The following ATP2B1 variants were observed in gnomAD, a reference collection of about 807,000 sequenced individuals.
ATP2B1 encodes the protein ATPase plasma membrane Ca2+ transporting 1.
A neutral mutation model predicts 124.2 loss-of-function variants in ATP2B1; 14 were observed. The ratio of observed to expected loss-of-function variants is 0.11; its 90% CI spans 0.07 to 0.18. The LOEUF is 0.18. Among genes scored for constraint, ATP2B1 ranks in the 10% least tolerant of loss-of-function variants. The pLI is 1.00. For synonymous variants in ATP2B1, 449 were observed against 492.4 expected, an observed-to-expected ratio of 0.91 and a Z score of 1.17; for missense variants, 763 against 1,466.1, an observed-to-expected ratio of 0.52 and a Z score of 7.83.
chr12:89,664,352 T>C (rs1259952795), intron 1 of ATP2B1, among the ~76,000 whole-genome samples: 2 of 152,200 alleles, frequency 1.3e-5, no homozygotes, highest in African/African-American at 2.4e-5. Context: ...GCAGAGTATA[T>C]GATAAAATTT....
intron 9 of ATP2B1, among the ~76,000 whole-genome samples, chr12:89,622,447 A>C (rs546648294): frequency 6.6e-6 from 1 of 152,170 alleles, no homozygotes; most frequent in Admixed American, 6.5e-5. Context: ...CAACAGAAAA[A>C]ATCATTTCTA....
At chr12:89,651,137 T>A (rs1565872579) in intron 2 of ATP2B1, among the ~76,000 whole-genome samples, 1 of 152,264 alleles carries the variant, frequency 6.6e-6, no homozygotes, top group Non-Finnish European at 1.5e-5. Flanking sequence ...AAGTTTTTAA[T>A]ATGAAAATTA....
intron 1 of ATP2B1, among the ~76,000 whole-genome samples, chr12:89,677,969 T>TACACACAC (rs1207955529): frequency 1.8e-4 from 11 of 59,534 alleles, no homozygotes; most frequent in Admixed American, 3.8e-4. Context: ...TATATATATA[T>TACACACAC]ATACACACAC....
intron 12 of ATP2B1, chr12:89,611,941 G>T (rs986375993): frequency 6.6e-6 from 1 of 152,070 alleles, no homozygotes; most frequent in East Asian, 1.9e-4. Context: ...GTGTCTAAAA[G>T]TGAAACCATG....
At chr12:89,691,880 C>G (rs906734560) in intron 1 of ATP2B1, among the ~76,000 whole-genome samples, 3 of 152,012 alleles carry the variant, frequency 2.0e-5, no homozygotes, top group African/African-American at 7.2e-5. Flanking sequence ...AACACTGAAA[C>G]CAAAAGCTAG....
chr12:89,626,387 A>G, intron 8 of ATP2B1, 67 bp downstream of exon 8: 1 of 1,495,306 alleles, frequency 6.7e-7, no homozygotes, highest in Non-Finnish European at 8.9e-7. Flanking sequence ...AAGTGTGTCA[A>G]AAGACAATTT....
chr12:89,653,513 G>T (rs566530174), intron 2 of ATP2B1, among the ~76,000 whole-genome samples: 26 of 151,350 alleles, frequency 1.7e-4, no homozygotes, highest in Non-Finnish European at 3.0e-4. Context: ...TAGCCAGGAT[G>T]GTCTCGATCT....
In ATP2B1 at chr12:89,687,038, TA is replaced by T. The variant is rs1269406895; in HGVS notation, c.-222+21557del. On this transcript the variant is annotated intron_variant, in intron 1 of 20. Coordinates refer to ENST00000428670, the MANE Select transcript of ATP2B1 (RefSeq NM_001366521.1). ...AAAAAAAAGGATGTGTCTGAGCATT[TA>T]CAGACATGTTTTTCTTGTCGTTATT... is the stretch of plus-strand genomic sequence containing the variant. Among the ~76,000 whole-genome samples, 3 of 152,214 alleles carry T rather than the reference TA, an allele frequency of 2.0e-5. No homozygotes were observed. In the East Asian group the frequency reaches 5.8e-4, roughly 29 times the overall value.
At chr12:89,661,850 A>G (rs1442609035) in intron 1 of ATP2B1, among the ~76,000 whole-genome samples, 1 of 152,128 alleles carries the variant, frequency 6.6e-6, no homozygotes, top group Non-Finnish European at 1.5e-5. Flanking sequence ...GCTGTTTCTC[A>G]CTGTGGTTGC....
intron 13 of ATP2B1, 120 bp from the exon 14 acceptor site, chr12:89,610,628 T>A (rs950155475): frequency 2.5e-6 from 2 of 803,384 alleles, no homozygotes; most frequent in Admixed American, 4.5e-5. Context: ...CAGAAACTCC[T>A]GGGAACTTGT....
At chr12:89,650,538 A>T (rs1427049355) in intron 2 of ATP2B1, among the ~76,000 whole-genome samples, 1 of 152,176 alleles carries the variant, frequency 6.6e-6, no homozygotes, top group Non-Finnish European at 1.5e-5. Context: ...TCAAACCTAA[A>T]GCTCAGGAGA....
chr12:89,658,979 C>A (rs530920724), intron 1 of ATP2B1, among the ~76,000 whole-genome samples: 3 of 152,296 alleles, frequency 2.0e-5, no homozygotes, highest in African/African-American at 7.2e-5. Flanking sequence ...TTCTAGATCA[C>A]CCATAGCTCC....
chr12:89,669,390 G>A (rs528378063), intron 1 of ATP2B1, among the ~76,000 whole-genome samples: 2 of 152,240 alleles, frequency 1.3e-5, no homozygotes, highest in African/African-American at 4.8e-5. Context: ...TCCCAAAGAA[G>A]CAAAGATTTT....
chr12:89,622,959 ATGAC>A (rs1880249137), intron 9 of ATP2B1, among the ~76,000 whole-genome samples: 1 of 152,196 alleles, frequency 6.6e-6, no homozygotes, highest in African/African-American at 2.4e-5. Context: ...GTTCGGTAAA[ATGAC>A]TGTTCTATGT....
chr12:89,611,844 T>G (rs1398971439), intron 12 of ATP2B1: 1 of 152,722 alleles, frequency 6.5e-6, no homozygotes, highest in Non-Finnish European at 1.5e-5. Context: ...TCCATCATAT[T>G]CTAATGACTT....
chr12:89,644,184 A>T (rs1397778584), intron 2 of ATP2B1, among the ~76,000 whole-genome samples: 1 of 152,174 alleles, frequency 6.6e-6, no homozygotes, highest in Non-Finnish European at 1.5e-5. Context: ...TAACCAGGAT[A>T]ACATCATTTT....
chr12:89,600,104 T>C (rs1483924356), intron 19 of ATP2B1, among the ~76,000 whole-genome samples: 3 of 152,186 alleles, frequency 2.0e-5, no homozygotes, highest in Non-Finnish European at 4.4e-5. Flanking sequence ...TGTTCTACCA[T>C]GGTACACTTA....
At chr12:89,613,036 G>T (rs1011341030) in intron 12 of ATP2B1, among the ~76,000 whole-genome samples, 3 of 152,040 alleles carry the variant, frequency 2.0e-5, no homozygotes, top group Non-Finnish European at 2.9e-5. Flanking sequence ...ATAAAGTGCA[G>T]GGGTATAATG....
At chr12:89,677,819 A>G (rs1313059935) in intron 1 of ATP2B1, among the ~76,000 whole-genome samples, 3 of 151,768 alleles carry the variant, frequency 2.0e-5, no homozygotes, top group Admixed American at 6.6e-5. Flanking sequence ...TCAAAAACCT[A>G]AAGGAAAGCA....
Sources: gnomAD v4.1 joint callset for allele counts (sites outside exome capture counted in the v4.1 genomes callset) on GRCh38, gnomAD v4.1.1 for gene constraint, MANE v1.5 for transcripts, NCBI Gene and HGNC (gene_info 2026-07-23, HGNC 2026-07-21) for gene names.